Variants in HPSE2 observed in about 807,000 individuals in gnomAD.
HPSE2 encodes heparanase 2 (inactive).
In HPSE2, 38 loss-of-function variants were observed where a neutral mutation model predicts 60.5. The observed-to-expected ratio is 0.63, with a 90% CI of 0.48 to 0.82. The LOEUF (loss-of-function observed/expected upper bound fraction) is 0.82. HPSE2 is among the 40% of genes least tolerant of loss of function. The pLI is 0.00. For missense variants in HPSE2, 713 were observed against 740.4 expected (o/e 0.96, Z 0.43); for synonymous variants, 295 against 293.2 (o/e 1.01, Z -0.06).
intron 6 of HPSE2, among the ~76,000 whole-genome samples, chr10:98,664,201 G>A (rs1242676386): frequency 1.3e-5 from 2 of 152,046 alleles, no homozygotes; most frequent in Non-Finnish European, 2.9e-5. Context: ...CAGTGGCTGG[G>A]ACCCTGATTA....
intron 3 of HPSE2, among the ~76,000 whole-genome samples, chr10:98,760,093 A>G (rs953981738): frequency 3.9e-5 from 6 of 152,050 alleles, no homozygotes; most frequent in African/African-American, 9.7e-5. Context: ...TGTTGTTAAT[A>G]TATATAAGCA....
chr10:98,686,608 T>C (rs1044793665), intron 6 of HPSE2, among the ~76,000 whole-genome samples: 27 of 152,184 alleles, frequency 1.8e-4, no homozygotes, highest in Non-Finnish European at 2.9e-4. Flanking sequence ...TCTCGCTATG[T>C]TGCTCAGGTT....
intron 9 of HPSE2, among the ~76,000 whole-genome samples, chr10:98,529,231 C>T (rs1225009566): frequency 1.3e-5 from 2 of 152,180 alleles, no homozygotes; most frequent in Non-Finnish European, 1.5e-5. Flanking sequence ...CTTAATAATT[C>T]TATTATCCAG....
intron 6 of HPSE2, among the ~76,000 whole-genome samples, chr10:98,684,027 T>C (rs918871973): frequency 1.3e-5 from 2 of 152,166 alleles, no homozygotes; most frequent in Non-Finnish European, 2.9e-5. Context: ...GGGAAATCTA[T>C]GTGCATCCAA....
At chr10:99,311,296 T>C in the HPSE2 span, among the ~76,000 whole-genome samples, 3 of 152,260 alleles carry the variant, frequency 2.0e-5, no homozygotes, top group South Asian at 6.2e-4. Context: ...TTTATTGTGC[T>C]TCACTTTATT....
chr10:98,833,853 GC>G (rs1951735298), intron 3 of HPSE2, among the ~76,000 whole-genome samples: 1 of 152,036 alleles, frequency 6.6e-6, no homozygotes, highest in African/African-American at 2.4e-5. Flanking sequence ...TTGTAACCCT[GC>G]CAAAAATGAG....
chr10:99,052,405 G>A (rs899620997), intron 3 of HPSE2, among the ~76,000 whole-genome samples: 6 of 150,252 alleles, frequency 4.0e-5, no homozygotes, highest in African/African-American at 1.2e-4. Context: ...AGGACAAAAT[G>A]AATAGAGTTT....
chr10:99,207,073 T>C (rs1027385169), intron 2 of HPSE2, among the ~76,000 whole-genome samples: 3 of 152,154 alleles, frequency 2.0e-5, no homozygotes, highest in African/African-American at 7.2e-5. Flanking sequence ...CTTTAATCAA[T>C]TGCAATCCAA....
At position 98,749,930 on chromosome 10, in the gene HPSE2, C is replaced by CTATATATATATATA. The variant is rs771032742; in HGVS notation, c.611-5888_611-5875dup. Among the ~76,000 whole-genome samples the CTATATATATATATA allele has an allele frequency of 2.9e-3, 280 of 96,950 alleles. 1 individual carries two copies. The highest frequency in any genetic ancestry group is 8.4e-3 in the African/African-American group (243 of 29,096). 63.6% of individuals were successfully genotyped at this position (96,950 alleles called of 152,430 possible). A position where few individuals can be genotyped will look rare whatever the true frequency, so the allele number is the denominator to read the frequency against. ...ATATTTTATATATATATATTAAACA[C>CTATATATATATATA]TATATATATATATATATACACACAC... On this transcript the variant is annotated intron_variant, in intron 3 of 11. Coordinates refer to ENST00000370552, the MANE Select transcript of HPSE2 (RefSeq NM_021828.5).
intron 9 of HPSE2, among the ~76,000 whole-genome samples, chr10:98,528,257 A>T (rs1056016813): frequency 6.6e-6 from 1 of 152,168 alleles, no homozygotes; most frequent in Admixed American, 6.5e-5. Context: ...CTGCTCAGCC[A>T]GAGCCACTCA....
intron 3 of HPSE2, among the ~76,000 whole-genome samples, chr10:98,987,218 C>G (rs1017107470): frequency 1.6e-4 from 25 of 152,260 alleles, no homozygotes; most frequent in Non-Finnish European, 3.4e-4. Context: ...GACCAATATA[C>G]CTAATGAACA....
At chr10:99,036,938 CAG>C (rs1047159271) in intron 3 of HPSE2, among the ~76,000 whole-genome samples, 4 of 152,058 alleles carry the variant, frequency 2.6e-5, no homozygotes, top group African/African-American at 9.7e-5. Flanking sequence ...TGTAAGTTAA[CAG>C]AGAAAAAACC....
chr10:98,473,197 A>G (rs11189625), intron 11 of HPSE2, among the ~76,000 whole-genome samples: 61,926 of 151,802 alleles, frequency 0.41, 13,682 homozygotes, highest in African/African-American at 0.6. Context: ...AAGAAAATTG[A>G]AAGGTGGTCA....
At chr10:99,230,456 C>T (rs1206767009) in intron 2 of HPSE2, among the ~76,000 whole-genome samples, 1 of 152,026 alleles carries the variant, frequency 6.6e-6, no homozygotes, top group Non-Finnish European at 1.5e-5. Flanking sequence ...GAAAAGGATT[C>T]CATATGGAAT....
chr10:99,026,341 G>C (rs1957376851), intron 3 of HPSE2, among the ~76,000 whole-genome samples: 1 of 151,970 alleles, frequency 6.6e-6, no homozygotes, highest in Non-Finnish European at 1.5e-5. Flanking sequence ...TTATCAGACA[G>C]ATGTCAGGAG....
intron 3 of HPSE2, among the ~76,000 whole-genome samples, chr10:98,775,187 C>G (rs1263027627): frequency 6.6e-6 from 1 of 152,200 alleles, no homozygotes; most frequent in Non-Finnish European, 1.5e-5. Context: ...CAGTCTGGAA[C>G]TATTTCATTG....
chr10:98,554,647 AAAGT>A (rs1490466347), intron 9 of HPSE2, among the ~76,000 whole-genome samples: 1 of 152,210 alleles, frequency 6.6e-6, no homozygotes, highest in African/African-American at 2.4e-5. Context: ...AAGTATTATA[AAAGT>A]AAGTAATATT....
chr10:98,558,281 A>G (rs577703076), intron 9 of HPSE2, among the ~76,000 whole-genome samples: 103 of 152,336 alleles, frequency 6.8e-4, no homozygotes, highest in African/African-American at 2.3e-3. Flanking sequence ...TCCAATAGAA[A>G]TGTACGTATA....
intron 9 of HPSE2, among the ~76,000 whole-genome samples, chr10:98,546,835 A>G (rs995936460): frequency 1.3e-5 from 2 of 150,882 alleles, no homozygotes; most frequent in African/African-American, 2.4e-5. Context: ...GCTTCTGCAC[A>G]GCAAAAGAAA....
Sources: allele counts gnomAD v4.1 joint callset (sites outside exome capture counted in the v4.1 genomes callset), GRCh38; gene constraint gnomAD v4.1.1; transcripts MANE v1.5; gene names NCBI Gene and HGNC (gene_info 2026-07-23, HGNC 2026-07-21).